Variants in ATP1B1 observed in about 807,000 individuals in gnomAD.
ATP1B1 encodes the protein sodium/potassium-transporting ATPase subunit beta-1.
ATP1B1 carries 3 observed loss-of-function variants against 39.6 expected under a neutral mutation model. The observed-to-expected ratio is 0.08, with a 90% confidence interval of 0.03 to 0.20. ATP1B1 has a LOEUF of 0.20. Among genes scored for constraint, ATP1B1 ranks in the 10% least tolerant of loss-of-function variants. ATP1B1 has a pLI of 1.00. For missense variants in ATP1B1, 216 were observed against 371.1 expected, an observed-to-expected ratio of 0.58 and a Z score of 3.43; for synonymous variants, 139 against 135.0, an observed-to-expected ratio of 1.03 and a Z score of -0.20.
At chr1:169,112,644 A>C (rs979052015) in intron 2 of ATP1B1, among the ~76,000 whole-genome samples, 2 of 152,234 alleles carry the variant, frequency 1.3e-5, no homozygotes, top group African/African-American at 4.8e-5. Flanking sequence ...ACAGAGGAAG[A>C]TCTTCAAAAT....
intron 2 of ATP1B1, among the ~76,000 whole-genome samples, chr1:169,123,034 G>A (rs1450390433): frequency 6.6e-6 from 1 of 152,010 alleles, no homozygotes; most frequent in Non-Finnish European, 1.5e-5. Flanking sequence ...AACCCCCTGA[G>A]CCCACCTCAT....
rs112925013 is a variant in ATP1B1, at chr1:169,126,976, T to A, written c.383-248T>A. On this transcript the variant is annotated intron_variant, in intron 3 of 5. Transcript: ENST00000367815. ...TTGCCAGAGACTAAATATTACGTGCTGATCAAGTACTATGAAGCTTTGGTG... is the reference window on the plus strand; with the variant it reads ...TTGCCAGAGACTAAATATTACGTGCAGATCAAGTACTATGAAGCTTTGGTG... 4.3e-3 allele frequency among the ~76,000 whole-genome samples: 662 copies of A among 152,348 alleles called. 6 individuals are homozygous for A. The highest frequency in any genetic ancestry group is 0.012 in the African/African-American group (500 of 41,592).
rs1233561016 is a variant in ATP1B1, at chr1:169,131,830, CTTG to C, written c.*277_*279del. The C allele has an allele frequency of 2.3e-6, 1 of 431,988 alleles. No homozygotes were observed. Among genetic ancestry groups the C allele is most frequent in the African/African-American group, 2.0e-5 (1 of 49,998 alleles). The allele number at this position is 431,988 out of a possible 1,614,324, so 26.8% of individuals were successfully genotyped here. On this transcript the variant is annotated 3_prime_UTR_variant, in exon 6 of 6. Transcript: ENST00000367815. This position sits in a 1 kb window ranked among gnomAD's most constrained non-coding sequence, Gnocchi z 4.4. ...CTGTAAATTATGATTCCGTAACTGACTTGTAGTAAGCAGTGTTTCTGGCCCCTA... is the reference window on the plus strand; with the variant it reads ...CTGTAAATTATGATTCCGTAACTGACTAGTAAGCAGTGTTTCTGGCCCCTA...
At position 169,125,071 on chromosome 1, in the gene ATP1B1, A is replaced by G. The variant is rs376777964; in HGVS notation, c.382+32A>G. On this transcript the variant is annotated intron_variant, in intron 3 of 5. Coordinates refer to ENST00000367815, the MANE Select transcript of ATP1B1 (RefSeq NM_001677.4). ...AGACTCATTGTAGATGTCTGTGGCT[A>G]GTTTTCTTTCTCTTTAACTCTTATT... is the stretch of plus-strand genomic sequence containing the variant. The G allele has an allele frequency of 3.7e-5, 58 of 1,562,036 alleles. 1 individual carries two copies. The Admixed American group carries it at 5.5e-4, about 15-fold the overall frequency.
intron 1 of ATP1B1, chr1:169,110,672 C>G: frequency 7.9e-7 from 1 of 1,271,220 alleles, no homozygotes; most frequent in South Asian, 1.3e-5. Context: ...AGTCATTATT[C>G]TTGTTCCAGT....
intron 5 of ATP1B1, among the ~76,000 whole-genome samples, chr1:169,130,655 C>T (rs1242746550): frequency 1.3e-5 from 2 of 151,810 alleles, no homozygotes; most frequent in African/African-American, 4.8e-5. Context: ...GGCGTGGCGG[C>T]GCGTGCCTGT....
intron 3 of ATP1B1, 28 bp downstream of exon 3, chr1:169,125,067 G>A: frequency 6.4e-7 from 1 of 1,561,978 alleles, no homozygotes; most frequent in Non-Finnish European, 8.6e-7. Context: ...AGATGTCTGT[G>A]GCTAGTTTTC....
intron 2 of ATP1B1, among the ~76,000 whole-genome samples, chr1:169,112,088 T>G (rs2101775300): frequency 6.6e-6 from 1 of 152,332 alleles, no homozygotes; most frequent in South Asian, 2.1e-4. Context: ...CACTCTTACT[T>G]CTCAATATTT....
At chr1:169,109,733 A>G (rs1657686903) in intron 1 of ATP1B1, among the ~76,000 whole-genome samples, 1 of 134,284 alleles carries the variant, frequency 7.4e-6, no homozygotes, top group Non-Finnish European at 1.5e-5. Flanking sequence ...AGTTGTTCGA[A>G]GGGGCACATG....
chr1:169,107,587 GTCTA>G (rs1383834351), intron 1 of ATP1B1, among the ~76,000 whole-genome samples: 1 of 151,938 alleles, frequency 6.6e-6, no homozygotes, highest in East Asian at 1.9e-4. Context: ...TGTTTTCAAG[GTCTA>G]CACAGACAGT....
chr1:169,106,694 C>A lies in ATP1B1; in HGVS notation c.-136C>A. Reference sequence around the variant, plus strand: ...CTCCTCCGCCGCGCGTCTCGCACTCCGAGAGCCGCAGCGGCAGCGGCGCGT... The same window carrying A: ...CTCCTCCGCCGCGCGTCTCGCACTCAGAGAGCCGCAGCGGCAGCGGCGCGT... On this transcript the variant is annotated 5_prime_UTR_variant, in exon 1 of 6. Transcript: ENST00000367815. The A allele has an allele frequency of 1.6e-6, 1 of 626,640 alleles. No individual in the cohort carries two copies. Among genetic ancestry groups the A allele is most frequent in the East Asian group, 3.8e-5 (1 of 26,560 alleles). 38.8% of individuals were successfully genotyped at this position (626,640 alleles called of 1,614,324 possible).
chr1:169,115,172 GA>G (rs1426721675), intron 2 of ATP1B1, among the ~76,000 whole-genome samples: 41 of 121,882 alleles, frequency 3.4e-4, no homozygotes, highest in African/African-American at 1.3e-3. Flanking sequence ...GTGACAGAGC[GA>G]AGACTCCATC....
chr1:169,126,184 T>A (rs1456290243), intron 3 of ATP1B1, among the ~76,000 whole-genome samples: 2 of 152,224 alleles, frequency 1.3e-5, no homozygotes, highest in Non-Finnish European at 2.9e-5. Flanking sequence ...TGAATTTTTC[T>A]CATTAGAATT....
At chr1:169,106,975 G>A (rs1226218047) in intron 1 of ATP1B1, 49 bp downstream of exon 1, 6 of 1,512,502 alleles carry the variant, frequency 4.0e-6, no homozygotes, top group South Asian at 1.2e-5. Context: ...ATCTTTCCCG[G>A]GCGGCGCATC....
chr1:169,112,739 T>C (rs568932647), intron 2 of ATP1B1, among the ~76,000 whole-genome samples: 20 of 152,272 alleles, frequency 1.3e-4, no homozygotes, highest in African/African-American at 4.3e-4. Context: ...CAGATAAATT[T>C]AGAGCTGAGG....
intron 3 of ATP1B1, among the ~76,000 whole-genome samples, chr1:169,126,644 G>A (rs1292894276): frequency 6.6e-6 from 1 of 152,182 alleles, no homozygotes; most frequent in Non-Finnish European, 1.5e-5. Context: ...CCAGGAGGTT[G>A]AGGCTGCAGT....
intron 1 of ATP1B1, chr1:169,110,567 C>CTTTT (rs11423213): frequency 7.8e-5 from 34 of 434,666 alleles, no homozygotes; most frequent in South Asian, 1.3e-4. Context: ...TGTGTTGAGT[C>CTTTT]TTTTTTTTTT....
chr1:169,115,772 G>A (rs1657831629), intron 2 of ATP1B1, among the ~76,000 whole-genome samples: 1 of 152,186 alleles, frequency 6.6e-6, no homozygotes, highest in Admixed American at 6.5e-5. Flanking sequence ...TAAAACCTTA[G>A]CTTTCCATGG....
chr1:169,114,628 T>G (rs1300676833), intron 2 of ATP1B1, among the ~76,000 whole-genome samples: 1 of 152,194 alleles, frequency 6.6e-6, no homozygotes, highest in African/African-American at 2.4e-5. Context: ...GAGGAGAGAC[T>G]AAACTACAGA....
Sources: gnomAD v4.1 joint callset for allele counts (sites outside exome capture counted in the v4.1 genomes callset) on GRCh38, gnomAD v4.1.1 for gene constraint, Gnocchi (gnomAD v3.1) non-coding constraint, MANE v1.5 for transcripts, NCBI Gene and HGNC (gene_info 2026-07-23, HGNC 2026-07-21) for gene names.